Variants in PTPRN2 observed in about 807,000 individuals in gnomAD.
PTPRN2 encodes the protein protein tyrosine phosphatase receptor type N2, also known as receptor-type tyrosine-protein phosphatase N2.
In PTPRN2, 74 loss-of-function variants were observed where a neutral mutation model predicts 118.8. The observed-to-expected ratio is 0.62, with a 90% CI of 0.52 to 0.76. The LOEUF (loss-of-function observed/expected upper bound fraction) is 0.76, where lower values mean the gene tolerates loss of function less well. PTPRN2 is among the 30% of genes least tolerant of loss of function. PTPRN2 has a pLI of 0.00. For missense variants in PTPRN2, 1,481 were observed against 1,394.4 expected (o/e 1.06, Z -0.99); for synonymous variants, 641 against 608.0 (o/e 1.05, Z -0.80).
intron 2 of PTPRN2, among the ~76,000 whole-genome samples, chr7:158,391,606 C>G (rs1263629702): frequency 6.6e-6 from 1 of 152,208 alleles, no homozygotes; most frequent in Non-Finnish European, 1.5e-5. Context: ...CATTTTCCCA[C>G]CAGCACCCAT....
intron 2 of PTPRN2, among the ~76,000 whole-genome samples, chr7:158,334,569 C>G (rs866349628): frequency 2.0e-4 from 21 of 106,074 alleles, no homozygotes; most frequent in African/African-American, 6.3e-4. Flanking sequence ...TAAGAGCTCT[C>G]GCCCACAGAG....
intron 16 of PTPRN2, among the ~76,000 whole-genome samples, chr7:157,602,776 G>A (rs1343074578): frequency 2.6e-5 from 4 of 152,238 alleles, no homozygotes; most frequent in Non-Finnish European, 5.9e-5. Flanking sequence ...AGCACTGTCC[G>A]CCATCAGTGG....
chr7:158,039,759 C>T (rs540888227), intron 11 of PTPRN2, among the ~76,000 whole-genome samples: 82 of 152,182 alleles, frequency 5.4e-4, no homozygotes, highest in African/African-American at 1.9e-3. Flanking sequence ...GGAAAAAAAT[C>T]ACAAAGAGAA....
intron 2 of PTPRN2, among the ~76,000 whole-genome samples, chr7:158,413,706 A>G (rs897743866): frequency 5.3e-5 from 8 of 152,264 alleles, no homozygotes; most frequent in African/African-American, 1.9e-4. Flanking sequence ...CCAGTCTCTC[A>G]GCCTGGTGTC....
chr7:157,658,969 G>A (rs1016992607), intron 13 of PTPRN2, among the ~76,000 whole-genome samples: 30 of 151,976 alleles, frequency 2.0e-4, no homozygotes, highest in African/African-American at 6.3e-4. Flanking sequence ...AATCGCCAAA[G>A]CTCAGGAAAC....
chr7:157,642,695 A>C (rs562658732), intron 14 of PTPRN2, among the ~76,000 whole-genome samples: 4 of 152,174 alleles, frequency 2.6e-5, no homozygotes, highest in Non-Finnish European at 5.9e-5. Flanking sequence ...AACTTTTACC[A>C]AGTTTAATGT....
At chr7:158,209,227 G>A (rs1004695079) in intron 3 of PTPRN2, among the ~76,000 whole-genome samples, 1 of 151,736 alleles carries the variant, frequency 6.6e-6, no homozygotes, top group African/African-American at 2.4e-5. Context: ...AATACACATG[G>A]ACTAAACTCT....
chr7:158,244,767 T>C, intron 3 of PTPRN2, among the ~76,000 whole-genome samples: 1 of 151,858 alleles, frequency 6.6e-6, no homozygotes, highest in African/African-American at 2.4e-5. Context: ...CGTCAGAGTA[T>C]GTGTGGGTGT....
intron 14 of PTPRN2, among the ~76,000 whole-genome samples, chr7:157,636,050 C>T (rs528825744): frequency 3.9e-5 from 6 of 152,208 alleles, no homozygotes; most frequent in Non-Finnish European, 8.8e-5. Flanking sequence ...ACATTTTCTT[C>T]AAAATTATTT....
chr7:157,741,634 C>G (rs1800638815), intron 12 of PTPRN2, among the ~76,000 whole-genome samples: 1 of 152,182 alleles, frequency 6.6e-6, no homozygotes, highest in Admixed American at 6.5e-5. Context: ...GATTCAGTGG[C>G]TCTCCTCCCT....
At chr7:158,132,495 GCA>G (rs1395984867) in intron 9 of PTPRN2, among the ~76,000 whole-genome samples, 3 of 148,980 alleles carry the variant, frequency 2.0e-5, no homozygotes, top group African/African-American at 7.5e-5. Flanking sequence ...GCACGCACAT[GCA>G]CATACAGATG....
At chr7:158,330,790 C>T (rs1321383250) in intron 2 of PTPRN2, among the ~76,000 whole-genome samples, 198 of 97,794 alleles carry the variant, frequency 2.0e-3, no homozygotes, top group African/African-American at 6.4e-3. Context: ...GTCACTCACA[C>T]CCACACTCTC....
chr7:158,418,087 CACTGT>C (rs1413533750), intron 2 of PTPRN2, among the ~76,000 whole-genome samples: 1 of 150,064 alleles, frequency 6.7e-6, no homozygotes, highest in African/African-American at 2.5e-5. Flanking sequence ...TTCAGTGTCC[CACTGT>C]GTTAAGTCAC....
chr7:157,545,564 A>T (rs1798276770), intron 22 of PTPRN2, among the ~76,000 whole-genome samples: 1 of 152,028 alleles, frequency 6.6e-6, no homozygotes, highest in Non-Finnish European at 1.5e-5. Context: ...TGTGGTGTCA[A>T]AGCCCGCACT....
At chr7:158,324,391 G>A (rs1442768345) in intron 2 of PTPRN2, among the ~76,000 whole-genome samples, 1 of 152,208 alleles carries the variant, frequency 6.6e-6, no homozygotes, top group Non-Finnish European at 1.5e-5. Context: ...CCGTGGAAGT[G>A]TTTAAGACCA....
At chr7:157,950,392 TG>T (rs754760084) in intron 11 of PTPRN2, among the ~76,000 whole-genome samples, 7 of 151,866 alleles carry the variant, frequency 4.6e-5, no homozygotes, top group Non-Finnish European at 8.8e-5. Context: ...TTATTTTTGT[TG>T]GTATTTGGGT....
intron 2 of PTPRN2, among the ~76,000 whole-genome samples, chr7:158,443,000 G>A (rs994068490): frequency 3.3e-5 from 5 of 150,468 alleles, no homozygotes; most frequent in South Asian, 4.2e-4. Flanking sequence ...CTAGAAAGAC[G>A]GTACTAAAGC....
chr7:157,676,445 G>A lies in PTPRN2; in HGVS notation c.2001+6280C>T, dbSNP rs1208474363. On this transcript the variant is annotated intron_variant, in intron 13 of 22. Coordinates refer to ENST00000389418, the MANE Select transcript of PTPRN2 (RefSeq NM_002847.5). This position sits in a 1 kb window ranked among gnomAD's most constrained non-coding sequence, Gnocchi z 5.6. ...TGTTTACCGCCGGTTCACTTTCATT[G>A]CAAACTCCTCATCTCCAAGAAATCA... Among the ~76,000 whole-genome samples the A allele has an allele frequency of 6.6e-6, 1 of 152,222 alleles. No homozygotes were observed. The highest frequency in any genetic ancestry group is 2.4e-5 in the African/African-American group (1 of 41,452).
rs757745163 is a variant in PTPRN2 at position 157,595,282 on chromosome 7, C to A, written c.2452G>T (p.Ala818Ser). Reference sequence around the variant, plus strand: ...GTGGCGGGCAGCGGTCCCTGGGTGGCGATGTACGCGGGGTTCCTCGGGTCG... The same window carrying A: ...GTGGCGGGCAGCGGTCCCTGGGTGGAGATGTACGCGGGGTTCCTCGGGTCG... Reference protein sequence around the residue: ...DHDPRNPAYIATQGPLPATVA... With the variant: ...DHDPRNPAYISTQGPLPATVA... Residue 818 changes from alanine (A) to serine (S), a missense_variant, in exon 17 of 23, where the codon GCC becomes TCC. This residue lies in a region of PTPRN2 where 362 missense variants were observed against 384.1 expected (regional missense o/e 0.94). Coordinates refer to ENST00000389418, the MANE Select transcript of PTPRN2 (RefSeq NM_002847.5). 2.5e-6 allele frequency: 4 copies of A among 1,614,142 alleles called. No homozygotes were observed. Among genetic ancestry groups the A allele is most frequent in the Non-Finnish European group, 3.4e-6 (4 of 1,180,030 alleles).
Sources: gnomAD v4.1 joint callset for allele counts (sites outside exome capture counted in the v4.1 genomes callset) on GRCh38, gnomAD v4.1.1 for gene constraint, gnomAD v4.1.1 regional missense constraint, Gnocchi (gnomAD v3.1) non-coding constraint, MANE v1.5 for transcripts, NCBI Gene and HGNC (gene_info 2026-07-23, HGNC 2026-07-21) for gene names.